Variants in KIF2A observed in about 807,000 individuals in gnomAD.
The protein encoded by KIF2A is kinesin family member 2A, also known as kinesin-like protein KIF2A.
A neutral mutation model predicts 100.2 loss-of-function variants in KIF2A; 22 were observed. That is an observed-to-expected ratio of 0.22 (90% CI 0.16 to 0.31). The LOEUF (loss-of-function observed/expected upper bound fraction) is 0.31, where lower values mean the gene tolerates loss of function less well. Ranked by LOEUF, KIF2A falls within the 10% of genes least tolerant of loss-of-function variation. The pLI, the probability that KIF2A is intolerant of heterozygous loss-of-function variation, is 1.00. For synonymous variants in KIF2A, 268 were observed against 285.9 expected (o/e 0.94, Z 0.63); for missense variants, 495 against 898.7 (o/e 0.55, Z 5.74).
intron 1 of KIF2A, among the ~76,000 whole-genome samples, chr5:62,333,173 T>G (rs1382372687): frequency 6.6e-6 from 1 of 152,232 alleles, no homozygotes; most frequent in Non-Finnish European, 1.5e-5. Context: ...CATACAAATA[T>G]AAATCTTTCC....
At chr5:62,365,196 C>A in intron 14 of KIF2A, 47 bp from the exon 15 acceptor site, 4 of 937,232 alleles carry the variant, frequency 4.3e-6, no homozygotes, top group South Asian at 1.6e-5. Flanking sequence ...TAAGATTATC[C>A]TTTATAAGAA....
chr5:62,365,435 T>C (rs1741020764), intron 15 of KIF2A, 82 bp downstream of exon 15: 1 of 691,314 alleles, frequency 1.4e-6, no homozygotes, highest in Admixed American at 3.1e-5. Flanking sequence ...ATGTATTTGT[T>C]AGTGACAATT....
Position 62,389,064 on chromosome 5 carries a change from A to G in KIF2A, c.*3495A>G, listed in dbSNP as rs1742170225. 1 of 1,608,034 alleles carries G rather than the reference A, an allele frequency of 6.2e-7. No homozygotes were observed. The highest frequency in any genetic ancestry group is 1.3e-5 in the African/African-American group (1 of 74,602). ...ATCCATGTAGCAATCTGAAAAAAGA[A>G]ATCAAAATGGAATGGTACTGAAAAG... On this transcript the variant is annotated 3_prime_UTR_variant, in exon 21 of 21. Coordinates refer to ENST00000407818, the MANE Select transcript of KIF2A (RefSeq NM_001098511.3).
At chr5:62,310,473 G>C (rs1179048657) in intron 1 of KIF2A, among the ~76,000 whole-genome samples, 1 of 152,096 alleles carries the variant, frequency 6.6e-6, no homozygotes, top group Non-Finnish European at 1.5e-5. Flanking sequence ...TACATTATTG[G>C]ATTTTTTGTT....
chr5:62,345,949 T>G (rs1416776014), intron 1 of KIF2A, among the ~76,000 whole-genome samples: 1 of 152,100 alleles, frequency 6.6e-6, no homozygotes, highest in Non-Finnish European at 1.5e-5. Flanking sequence ...ATTTTATATA[T>G]GTATATATTC....
intron 20 of KIF2A, among the ~76,000 whole-genome samples, chr5:62,383,534 C>G (rs780127845): frequency 6.6e-6 from 1 of 151,654 alleles, no homozygotes; most frequent in Non-Finnish European, 1.5e-5. Context: ...TGAGCCACCA[C>G]GCCCGGCCTG....
Position 62,385,762 on chromosome 5 carries a change from C to T in KIF2A, c.*193C>T, listed in dbSNP as rs1741997159. 2 of 552,712 alleles carry T rather than the reference C, an allele frequency of 3.6e-6. No homozygotes were observed. The highest frequency in any genetic ancestry group is 6.5e-6 in the Non-Finnish European group (2 of 306,938). 34.2% of individuals were successfully genotyped at this position (552,712 alleles called of 1,614,324 possible). A position where few individuals can be genotyped will look rare whatever the true frequency, so the allele number is the denominator to read the frequency against. On this transcript the variant is annotated 3_prime_UTR_variant, in exon 21 of 21. Transcript: ENST00000407818. ...ATGCTTCTAGTCCAGGAGGCACAAC[C>T]AAGAACTGGGATTAATGAAGCATTT...
intron 5 of KIF2A, 32 bp downstream of exon 5, chr5:62,352,742 T>G: frequency 6.3e-7 from 1 of 1,592,108 alleles, no homozygotes; most frequent in Admixed American, 1.7e-5. Flanking sequence ...GATTTAGTCA[T>G]TTTAGGCATA....
rs1444894205 is a variant in KIF2A, at chr5:62,373,749, C to T, written c.1823C>T (p.Pro608Leu). The T allele has an allele frequency of 6.2e-7, 1 of 1,613,266 alleles. No homozygotes were observed. Among genetic ancestry groups the T allele is most frequent in the Admixed American group, 1.7e-5 (1 of 60,018 alleles). Residue 608 changes from proline (P) to leucine (L), a missense_variant, in exon 18 of 21, where the codon CCA becomes CTA. Around this residue, in one of 10 missense-constraint regions of KIF2A, gnomAD observed 100 missense variants for 138.2 expected, o/e 0.72. Transcript: ENST00000407818. Reference protein sequence around the residue: ...AGDVRPIMHHPPNQIDDLETQ... With the variant: ...AGDVRPIMHHLPNQIDDLETQ... ...GATGTTCGTCCAATAATGCACCATCCACCAAACCAGATTGATGACTTAGAG... is the reference window on the plus strand; with the variant it reads ...GATGTTCGTCCAATAATGCACCATCTACCAAACCAGATTGATGACTTAGAG...
At position 62,364,866 on chromosome 5, in the gene KIF2A, G is replaced by A. The variant is rs565316822; in HGVS notation, c.1468-377G>A. 9.9e-5 allele frequency among the ~76,000 whole-genome samples: 15 copies of A among 152,234 alleles called. 1 individual carries two copies. The highest frequency in any genetic ancestry group is 2.9e-4 in the African/African-American group (12 of 41,556). ...TCCCAGCACTTTGGGAGGCCGAGGC[G>A]GGTGGATCCCCTGAGGTCAGGAGTT... On this transcript the variant is annotated intron_variant, in intron 14 of 20. Coordinates refer to ENST00000407818, the MANE Select transcript of KIF2A (RefSeq NM_001098511.3).
intron 18 of KIF2A, among the ~76,000 whole-genome samples, chr5:62,374,787 C>T (rs1185270654): frequency 6.6e-6 from 1 of 152,086 alleles, no homozygotes; most frequent in East Asian, 1.9e-4. Context: ...ATTAGCTGAG[C>T]ATGGTGGCAC....
intron 1 of KIF2A, among the ~76,000 whole-genome samples, chr5:62,334,793 AC>A (rs1367296300): frequency 6.6e-6 from 1 of 151,556 alleles, no homozygotes; most frequent in African/African-American, 2.4e-5. Context: ...CCAGCCACAC[AC>A]CCCAAAGTCT....
chr5:62,335,110 T>TG (rs879503814), intron 1 of KIF2A, among the ~76,000 whole-genome samples: 1 of 152,240 alleles, frequency 6.6e-6, no homozygotes, highest in African/African-American at 2.4e-5. Flanking sequence ...GACCCACCAC[T>TG]GCTCCTGCTG....
Position 62,353,328 on chromosome 5 carries a change from G to T in KIF2A, c.511G>T (p.Glu171Ter). ...AGTAGAAAAACTGCAAGAAAAACGAGAGAAAAGGAGATTGCAACAGCAAGA... is the reference window on the plus strand; with the variant it reads ...AGTAGAAAAACTGCAAGAAAAACGATAGAAAAGGAGATTGCAACAGCAAGA... ...KEVEKLQEKR[E>*]KRRLQQQELR... The change falls in exon 6 of 21, where the codon GAG becomes TAG. Residue 171 changes from glutamate to a stop codon, truncating the protein, a stop_gained. Transcript: ENST00000407818. LOFTEE classifies it high-confidence loss of function. 1 of 1,581,032 alleles carries T rather than the reference G, an allele frequency of 6.3e-7. No individual in the cohort carries two copies. Among genetic ancestry groups the T allele is most frequent in the Non-Finnish European group, 8.6e-7 (1 of 1,167,882 alleles).
Position 62,328,393 on chromosome 5 carries a change from G to A in KIF2A, c.65-18737G>A, listed in dbSNP as rs186965300. On this transcript the variant is annotated intron_variant, in intron 1 of 20. Coordinates refer to ENST00000407818, the MANE Select transcript of KIF2A (RefSeq NM_001098511.3). ...TATTACATCGTGATTTTAGAATTTT[G>A]GTTTTTATGTTCTCTTTACAAGTGG... 2.2e-4 allele frequency among the ~76,000 whole-genome samples: 33 copies of A among 147,042 alleles called. No homozygotes were observed. The East Asian group carries it at 6.6e-3, about 30-fold the overall frequency.
intron 8 of KIF2A, 148 bp downstream of exon 8, chr5:62,357,893 C>T (rs947431303): frequency 1.1e-5 from 7 of 650,538 alleles, no homozygotes; most frequent in African/African-American, 3.7e-5. Flanking sequence ...TATGGCTAAA[C>T]TTGTCAGTTT....
chr5:62,316,211 A>C (rs1457468308), intron 1 of KIF2A, among the ~76,000 whole-genome samples: 1 of 152,248 alleles, frequency 6.6e-6, no homozygotes, highest in Non-Finnish European at 1.5e-5. Context: ...TTAAGCTATA[A>C]CTAAGTACTT....
rs1394770685 is a variant in KIF2A at position 62,390,263 on chromosome 5, A to AG, written c.*4694_*4695insG. Among the ~76,000 whole-genome samples the AG allele has an allele frequency of 6.6e-6, 1 of 152,228 alleles. No homozygotes were observed. The highest frequency in any genetic ancestry group is 1.9e-4 in the East Asian group (1 of 5,198). On this transcript the variant is annotated 3_prime_UTR_variant, in exon 21 of 21. Coordinates refer to ENST00000407818, the MANE Select transcript of KIF2A (RefSeq NM_001098511.3). The stretch of plus-strand genomic sequence containing the variant: ...TACCTGGGTAATTAATTGAAGCCTT[A>AG]TTCTGTTTTCATAAGACTTACTTGC...
chr5:62,358,548 A>T (rs535960765), intron 9 of KIF2A, among the ~76,000 whole-genome samples: 31 of 152,342 alleles, frequency 2.0e-4, no homozygotes, highest in African/African-American at 7.2e-4. Flanking sequence ...ACATATATAT[A>T]CATATCACAC....
Sources: gnomAD v4.1 joint callset for allele counts (sites outside exome capture counted in the v4.1 genomes callset) on GRCh38, gnomAD v4.1.1 for gene constraint, gnomAD v4.1.1 regional missense constraint, MANE v1.5 for transcripts, NCBI Gene and HGNC (gene_info 2026-07-23, HGNC 2026-07-21) for gene names.